C8orf34: variants seen among roughly 807,000 people sequenced by gnomAD.
C8orf34 encodes uncharacterized protein C8orf34.
In C8orf34, 65 loss-of-function variants were observed where a neutral mutation model predicts 68.3. The ratio of observed to expected loss-of-function variants is 0.95; its 90% CI spans 0.78 to 1.17. The LOEUF (loss-of-function observed/expected upper bound fraction) is 1.17. Among genes scored for constraint, C8orf34 ranks in the 50% most tolerant of loss-of-function variants. The pLI is 0.00. For missense variants in C8orf34, 664 were observed against 655.4 expected (o/e 1.01, Z -0.14); for synonymous variants, 244 against 241.2 (o/e 1.01, Z -0.11).
At chr8:68,399,009 A>T (rs533230614) in intron 1 of C8orf34, among the ~76,000 whole-genome samples, 1 of 152,208 alleles carries the variant, frequency 6.6e-6, no homozygotes, top group East Asian at 1.9e-4. Flanking sequence ...TTTTCGAACA[A>T]GGGACCTCCC....
At chr8:68,428,375 T>C (rs17467545) in intron 1 of C8orf34, among the ~76,000 whole-genome samples, 3,078 of 152,100 alleles carry the variant, frequency 0.02, 51 homozygotes, top group Middle Eastern at 0.037. Context: ...TTAAAATATA[T>C]AGAGAGAGTT....
chr8:68,334,100 G>A (rs866328024), intron 1 of C8orf34, among the ~76,000 whole-genome samples: 10 of 152,032 alleles, frequency 6.6e-5, no homozygotes, highest in African/African-American at 2.4e-4. Flanking sequence ...TGTTCACTTA[G>A]TTTATTTCTT....
At chr8:68,617,843 T>C (rs1266134741) in intron 7 of C8orf34, among the ~76,000 whole-genome samples, 2 of 152,328 alleles carry the variant, frequency 1.3e-5, no homozygotes, top group East Asian at 1.9e-4. Flanking sequence ...CCTTGCTAGA[T>C]TGGGGAAGTT....
intron 1 of C8orf34, among the ~76,000 whole-genome samples, chr8:68,375,327 T>A (rs1186684036): frequency 1.3e-5 from 2 of 152,200 alleles, no homozygotes; most frequent in African/African-American, 2.4e-5. Flanking sequence ...CATGCATAAA[T>A]CTATTAATAA....
intron 1 of C8orf34, among the ~76,000 whole-genome samples, chr8:68,415,019 C>A (rs1291057931): frequency 6.6e-6 from 1 of 152,054 alleles, no homozygotes; most frequent in African/African-American, 2.4e-5. Flanking sequence ...AAATTTGAGA[C>A]CCACAGTGTC....
intron 8 of C8orf34, among the ~76,000 whole-genome samples, chr8:68,692,093 T>A (rs889060578): frequency 2.6e-5 from 4 of 151,988 alleles, no homozygotes; most frequent in African/African-American, 9.7e-5. Flanking sequence ...AGCCCGGGGA[T>A]GATCCAGGTT....
Position 68,361,345 on chromosome 8 carries a change from G to A in C8orf34, c.327+30006G>A, listed in dbSNP as rs75761541. Among the ~76,000 whole-genome samples the A allele has an allele frequency of 6.9e-4, 105 of 152,272 alleles. No homozygotes were observed. The East Asian group carries it at 0.02, about 29-fold the overall frequency. ...TGTACGCTGCATGGACCAGTCTTTA[G>A]AGGCAGGCTTCCTCCAGAGAGAGAC... On this transcript the variant is annotated intron_variant, in intron 1 of 13. Coordinates refer to ENST00000518698, the MANE Select transcript of C8orf34 (RefSeq NM_052958.4).
chr8:68,644,316 A>G (rs911501725), intron 8 of C8orf34, among the ~76,000 whole-genome samples: 8 of 152,098 alleles, frequency 5.3e-5, no homozygotes, highest in African/African-American at 1.7e-4. Context: ...AGGATAATCA[A>G]TGATAGTTTG....
chr8:68,774,857 G>A (rs369511417), intron 10 of C8orf34, among the ~76,000 whole-genome samples: 161 of 149,688 alleles, frequency 1.1e-3, no homozygotes, highest in African/African-American at 3.5e-3. Flanking sequence ...CCGTAATTCC[G>A]GCACTTTGGG....
intron 5 of C8orf34, among the ~76,000 whole-genome samples, chr8:68,513,582 A>T (rs2129633523): frequency 6.6e-6 from 1 of 150,502 alleles, no homozygotes; most frequent in East Asian, 1.9e-4. Context: ...AATAAAAAAT[A>T]AAAGTTAACT....
At chr8:68,410,667 A>G (rs1809405291) in intron 1 of C8orf34, among the ~76,000 whole-genome samples, 1 of 152,162 alleles carries the variant, frequency 6.6e-6, no homozygotes, top group Non-Finnish European at 1.5e-5. Flanking sequence ...GTTCAGTCAT[A>G]GGCACCTGTC....
intron 10 of C8orf34, among the ~76,000 whole-genome samples, chr8:68,747,601 A>G (rs574351671): frequency 7.2e-5 from 11 of 151,954 alleles, no homozygotes; most frequent in Non-Finnish European, 1.2e-4. Context: ...ACAGACAAAC[A>G]GAGAACCAAA....
At chr8:68,636,018 G>A (rs1322314717) in intron 7 of C8orf34, among the ~76,000 whole-genome samples, 9 of 152,130 alleles carry the variant, frequency 5.9e-5, no homozygotes, top group South Asian at 4.1e-4. Context: ...AAAGGCATGC[G>A]GGGGGAGTAG....
intron 7 of C8orf34, among the ~76,000 whole-genome samples, chr8:68,574,945 CCTTT>C (rs1816858884): frequency 2.0e-5 from 3 of 151,990 alleles, no homozygotes; most frequent in African/African-American, 7.2e-5. Context: ...ACTCCCTATT[CCTTT>C]CTTTCATATG....
chr8:68,670,032 C>T, intron 8 of C8orf34, among the ~76,000 whole-genome samples: 1 of 152,150 alleles, frequency 6.6e-6, no homozygotes, highest in Non-Finnish European at 1.5e-5. Flanking sequence ...GATGGAGTTT[C>T]TATATGAACA....
chr8:68,589,467 GAAGA>G (rs1286088105), intron 7 of C8orf34, among the ~76,000 whole-genome samples: 2 of 120,734 alleles, frequency 1.7e-5, no homozygotes, highest in East Asian at 4.6e-4. Context: ...GAGAAAGAAA[GAAGA>G]AAGAGGAAAA....
At chr8:68,697,602 A>G (rs1256273086) in intron 8 of C8orf34, among the ~76,000 whole-genome samples, 1 of 152,018 alleles carries the variant, frequency 6.6e-6, no homozygotes, top group Non-Finnish European at 1.5e-5. Flanking sequence ...TGAGTTTTGC[A>G]TTTTGATTCT....
intron 10 of C8orf34, among the ~76,000 whole-genome samples, chr8:68,729,947 A>G (rs1172532161): frequency 6.6e-6 from 1 of 152,174 alleles, no homozygotes; most frequent in African/African-American, 2.4e-5. Context: ...TGGTACATAA[A>G]TTGTTGCACA....
At chr8:68,521,444 A>G (rs1456219742) in intron 5 of C8orf34, among the ~76,000 whole-genome samples, 1 of 152,108 alleles carries the variant, frequency 6.6e-6, no homozygotes, top group Non-Finnish European at 1.5e-5. Flanking sequence ...GCAATTATTT[A>G]CTATTTCCCA....
Sources: allele counts gnomAD v4.1 joint callset (sites outside exome capture counted in the v4.1 genomes callset), GRCh38; gene constraint gnomAD v4.1.1; transcripts MANE v1.5; gene names NCBI Gene and HGNC (gene_info 2026-07-23, HGNC 2026-07-21).